Variants in DNAH11 observed in about 807,000 individuals in gnomAD.
The protein encoded by DNAH11 is dynein axonemal heavy chain 11.
Under a neutral mutation model 526.0 loss-of-function variants are expected in DNAH11, and 442 were observed. That is an observed-to-expected ratio of 0.84 (90% CI 0.78 to 0.91). DNAH11 has a LOEUF of 0.91. Ranked by LOEUF, DNAH11 falls within the 40% of genes least tolerant of loss-of-function variation. The pLI, the probability that DNAH11 is intolerant of heterozygous loss-of-function variation, is 0.00. For missense variants in DNAH11, 6,989 were observed against 5,448.7 expected (o/e 1.28, Z -8.90); for synonymous variants, 2,461 against 1,935.9 (o/e 1.27, Z -7.12).
chr7:21,649,262 A>G (rs1347146766), intron 28 of DNAH11, among the ~76,000 whole-genome samples: 2 of 152,208 alleles, frequency 1.3e-5, no homozygotes, highest in Admixed American at 1.3e-4. Flanking sequence ...TATATCATAC[A>G]TTTTTATCTA....
Position 21,581,933 on chromosome 7 carries a change from A to T in DNAH11, c.1622A>T (p.Lys541Met), listed in dbSNP as rs971937487. ...TTTGAAAGTGATTATGTGGCATTTA[A>T]GTCCAAAACTCTGGAATTTGACAGA... ...MEFESDYVAF[K>M]SKTLEFDRRL... Residue 541 changes from lysine to methionine, a missense_variant, in exon 9 of 82, where the codon AAG (lysine) becomes ATG (methionine). By Grantham distance (95) the Lys-to-Met change is moderately conservative. Transcript: ENST00000409508. The T allele has an allele frequency of 6.2e-7, 1 of 1,611,236 alleles. No homozygotes were observed. Among genetic ancestry groups the T allele is most frequent in the African/African-American group, 1.3e-5 (1 of 74,810 alleles).
chr7:21,549,876 A>G (rs193003490), intron 2 of DNAH11, among the ~76,000 whole-genome samples: 358 of 152,272 alleles, frequency 2.4e-3, no homozygotes, highest in African/African-American at 8.2e-3. Flanking sequence ...GATTTTCCAC[A>G]TTCCCACAAG....
In DNAH11 at chr7:21,763,272, G is replaced by A. The variant is rs375044866; in HGVS notation, c.8941-2156G>A. ...CAGGAGAATCACTTGAACCCAGGAG[G>A]CAGAGGTTGCAGCAAGCCGAGATTG... On this transcript the variant is annotated intron_variant, in intron 54 of 81. Coordinates refer to ENST00000409508, the MANE Select transcript of DNAH11 (RefSeq NM_001277115.2). Among the ~76,000 whole-genome samples, 42 of 148,854 alleles carry A rather than the reference G, an allele frequency of 2.8e-4. No homozygotes were observed. In the East Asian group the frequency reaches 3.6e-3, roughly 13 times the overall value.
rs1222994423 is a variant in DNAH11 at position 21,872,135 on chromosome 7, A to AAAAAAAAACAAAAC, written c.11968-1131_11968-1130insCAAAACAAAAAAAA. On this transcript the variant is annotated intron_variant, in intron 73 of 81. Transcript: ENST00000409508. Reference sequence around the variant, plus strand: ...CGAGACTCTGTCTCAAAAAAAAAAAAAAAAAAAAAAAAAACCTTCATAATG... The same window carrying AAAAAAAAACAAAAC: ...CGAGACTCTGTCTCAAAAAAAAAAAAAAAAAAAACAAAACAAAAAAAAAAAAAACCTTCATAATG... Among the ~76,000 whole-genome samples the AAAAAAAAACAAAAC allele has an allele frequency of 6.8e-3, 940 of 137,318 alleles. 55 individuals are homozygous for AAAAAAAAACAAAAC. The highest frequency in any genetic ancestry group is 0.015 in the African/African-American group (511 of 35,000). 90.1% of individuals were successfully genotyped at this position (137,318 alleles called of 152,430 possible).
At chr7:21,611,593 C>A (rs925955473) in intron 20 of DNAH11, among the ~76,000 whole-genome samples, 6 of 152,072 alleles carry the variant, frequency 3.9e-5, no homozygotes, top group Admixed American at 6.6e-5. Context: ...AGGATAAATA[C>A]AAAGACTGCA....
chr7:21,702,179 G>A (rs752949547), intron 36 of DNAH11, among the ~76,000 whole-genome samples: 4 of 152,066 alleles, frequency 2.6e-5, no homozygotes, highest in Non-Finnish European at 4.4e-5. Context: ...TAGGGATAAC[G>A]TTGTAGTCTC....
chr7:21,836,231 A>G (rs1048238051), intron 65 of DNAH11, among the ~76,000 whole-genome samples: 1 of 152,178 alleles, frequency 6.6e-6, no homozygotes, highest in Admixed American at 6.5e-5. Flanking sequence ...GACATTCTTC[A>G]CAGAAATAGA....
Position 21,773,823 on chromosome 7 carries a change from G to T in DNAH11, c.9160G>T (p.Glu3054Ter). The T allele has an allele frequency of 6.2e-7, 1 of 1,608,554 alleles. No homozygotes were observed. Among genetic ancestry groups the T allele is most frequent in the Non-Finnish European group, 8.5e-7 (1 of 1,177,584 alleles). ...FMAHVHTTVNEMSTRYYQNER... is the reference protein window; with the variant it reads ...FMAHVHTTVN Reference sequence around the variant, plus strand: ...GGCACATGTTCACACCACTGTAAATGAAATGAGTACCAGATATTACCAGAA... The same window carrying T: ...GGCACATGTTCACACCACTGTAAATTAAATGAGTACCAGATATTACCAGAA... Residue 3054 changes from glutamate (E) to a stop codon, truncating the protein, a stop_gained, in exon 56 of 82, where the codon GAA becomes TAA. Transcript: ENST00000409508. LOFTEE classifies it high-confidence loss of function.
At chr7:21,553,070 A>ATTTT (rs35121910) in intron 2 of DNAH11, among the ~76,000 whole-genome samples, 2 of 66,768 alleles carry the variant, frequency 3.0e-5, no homozygotes, top group Admixed American at 1.8e-4. Context: ...TATAAATGGG[A>ATTTT]TTTTTTTTTT....
chr7:21,829,576 A>G (rs141562590), intron 65 of DNAH11, among the ~76,000 whole-genome samples: 221 of 152,326 alleles, frequency 1.5e-3, no homozygotes, highest in African/African-American at 5.0e-3. Flanking sequence ...TTGGTTTTAG[A>G]TGGCAATGGA....
chr7:21,588,487 T>A (rs1350365237), intron 10 of DNAH11, 25 bp from the exon 11 acceptor site: 2 of 1,611,994 alleles, frequency 1.2e-6, no homozygotes, highest in African/African-American at 2.7e-5. Context: ...CCTTTCTTCC[T>A]CTTCACCAAA....
At chr7:21,881,074 T>A (rs1478726405) in intron 75 of DNAH11, among the ~76,000 whole-genome samples, 181 bp downstream of exon 75, 5 of 152,200 alleles carry the variant, frequency 3.3e-5, no homozygotes, top group Admixed American at 2.0e-4. Flanking sequence ...GCAGTGGATG[T>A]TTGCACTTCA....
chr7:21,858,185 T>C (rs537561682), intron 68 of DNAH11, among the ~76,000 whole-genome samples: 2 of 152,330 alleles, frequency 1.3e-5, no homozygotes, highest in East Asian at 1.9e-4. Context: ...TGAGGTCTTA[T>C]TCTATGTCCC....
intron 2 of DNAH11, among the ~76,000 whole-genome samples, chr7:21,549,383 C>CTCTCTGGATT (rs72494922): frequency 6.6e-6 from 1 of 151,718 alleles, no homozygotes; most frequent in Admixed American, 6.6e-5. Context: ...TATTCCCATA[C>CTCTCTGGATT]TCTAAGGTTT....
At chr7:21,768,867 A>C (rs1277563603) in intron 55 of DNAH11, among the ~76,000 whole-genome samples, 1 of 152,238 alleles carries the variant, frequency 6.6e-6, no homozygotes, top group Non-Finnish European at 1.5e-5. Flanking sequence ...AGTGATAGCT[A>C]TCTTAGCAGA....
intron 8 of DNAH11, among the ~76,000 whole-genome samples, chr7:21,575,018 G>T (rs938606669): frequency 6.6e-6 from 1 of 151,680 alleles, no homozygotes; most frequent in Non-Finnish European, 1.5e-5. Flanking sequence ...GGGATTACAG[G>T]AGTGTGCCAC....
Position 21,771,803 on chromosome 7 carries a change from C to T in DNAH11, c.9103-1963C>T, listed in dbSNP as rs116570966. 2.5e-3 allele frequency among the ~76,000 whole-genome samples: 374 copies of T among 152,134 alleles called. 2 individuals are homozygous for T. Among genetic ancestry groups the T allele is most frequent in the African/African-American group, 8.7e-3 (360 of 41,500 alleles). On this transcript the variant is annotated intron_variant, in intron 55 of 81. Coordinates refer to ENST00000409508, the MANE Select transcript of DNAH11 (RefSeq NM_001277115.2). ...ATACAGCATTGCGTAGCCCTCGCTG[C>T]GGCAGCACCAGCAGCAACTCCTCTC... is the stretch of plus-strand genomic sequence containing the variant.
intron 25 of DNAH11, among the ~76,000 whole-genome samples, chr7:21,620,365 T>C (rs1183599811): frequency 6.6e-6 from 1 of 152,164 alleles, no homozygotes; most frequent in Non-Finnish European, 1.5e-5. Context: ...TTGTACCCTT[T>C]GATCAACAGC....
At chr7:21,640,218 A>G (rs1206503401) in intron 28 of DNAH11, among the ~76,000 whole-genome samples, 2 of 152,228 alleles carry the variant, frequency 1.3e-5, no homozygotes, top group African/African-American at 4.8e-5. Flanking sequence ...TGAATCTACT[A>G]TATCCGTCTT....
Sources: allele counts gnomAD v4.1 joint callset (sites outside exome capture counted in the v4.1 genomes callset), GRCh38; gene constraint gnomAD v4.1.1; transcripts MANE v1.5; gene names NCBI Gene and HGNC (gene_info 2026-07-23, HGNC 2026-07-21).